PIP4K2A: variants seen among roughly 807,000 people sequenced by gnomAD.
The protein encoded by PIP4K2A is phosphatidylinositol-5-phosphate 4-kinase type 2 alpha.
Under a neutral mutation model 42.9 loss-of-function variants are expected in PIP4K2A, and 14 were observed. That is an observed-to-expected ratio of 0.33 (90% confidence interval 0.22 to 0.51). PIP4K2A has a LOEUF of 0.51. PIP4K2A is among the 20% of genes least tolerant of loss of function. The pLI, the probability that PIP4K2A is intolerant of heterozygous loss-of-function variation, is 0.97. For synonymous variants in PIP4K2A, 192 were observed against 192.2 expected, an observed-to-expected ratio of 1.00 and a Z score of 0.01; for missense variants, 434 against 519.8, an observed-to-expected ratio of 0.83 and a Z score of 1.61.
chr10:22,683,062 AAAC>A (rs59679229), intron 1 of PIP4K2A, among the ~76,000 whole-genome samples: 141 of 123,516 alleles, frequency 1.1e-3, no homozygotes, highest in East Asian at 8.5e-3. Flanking sequence ...AGAAAAAGAA[AAAC>A]AACAACAACA....
Position 22,592,841 on chromosome 10 carries a change from C to T in PIP4K2A, c.340-1060G>A, listed in dbSNP as rs546968416. On this transcript the variant is annotated intron_variant, in intron 3 of 9. Transcript: ENST00000376573. ...GACTTTCACTCCTTGCCTGGCCCTGCGGGATGGCCTGTGTGGGATTCAAAG... is the reference window on the plus strand; with the variant it reads ...GACTTTCACTCCTTGCCTGGCCCTGTGGGATGGCCTGTGTGGGATTCAAAG... Among the ~76,000 whole-genome samples, 52 of 152,320 alleles carry T rather than the reference C, an allele frequency of 3.4e-4. 1 individual carries two copies. The South Asian group carries it at 4.6e-3, about 13-fold the overall frequency.
chr10:22,534,930 A>G lies in PIP4K2A; in HGVS notation c.*2271T>C, dbSNP rs1481498640. 2 of 152,226 alleles carry G rather than the reference A, an allele frequency of 1.3e-5. No individual in the cohort carries two copies. The highest frequency in any genetic ancestry group is 2.9e-5 in the Non-Finnish European group (2 of 68,044). 9.4% of individuals were successfully genotyped at this position (152,226 alleles called of 1,614,324 possible). ...CGAGTATTTAAAATGTGTTTGGAAC[A>G]GAGACACACAATTGGGACAGAGGAA... On this transcript the variant is annotated 3_prime_UTR_variant, in exon 10 of 10. Coordinates refer to ENST00000376573, the MANE Select transcript of PIP4K2A (RefSeq NM_005028.5).
At chr10:22,702,404 T>C (rs951957161) in intron 1 of PIP4K2A, among the ~76,000 whole-genome samples, 1 of 152,236 alleles carries the variant, frequency 6.6e-6, no homozygotes, top group Non-Finnish European at 1.5e-5. Flanking sequence ...GTAATAACAC[T>C]GCAGCACACT....
intron 1 of PIP4K2A, among the ~76,000 whole-genome samples, chr10:22,674,430 A>AC (rs1271483320): frequency 2.8e-5 from 4 of 145,280 alleles, no homozygotes; most frequent in African/African-American, 1.1e-4. Flanking sequence ...AAAAAAAAAA[A>AC]AAAAAAAAGA....
chr10:22,546,151 TTCAG>T, intron 7 of PIP4K2A, among the ~76,000 whole-genome samples: 1 of 152,356 alleles, frequency 6.6e-6, no homozygotes, highest in East Asian at 1.9e-4. Context: ...CTCCTGGATC[TTCAG>T]TCATTCTGAC....
At chr10:22,549,037 G>C (rs61847457) in intron 7 of PIP4K2A, among the ~76,000 whole-genome samples, 7 of 152,152 alleles carry the variant, frequency 4.6e-5, no homozygotes, top group Non-Finnish European at 8.8e-5. Flanking sequence ...AACACAGCAA[G>C]ACTGTCTCTA....
chr10:22,683,291 G>A (rs774878262), intron 1 of PIP4K2A, among the ~76,000 whole-genome samples: 9 of 152,000 alleles, frequency 5.9e-5, no homozygotes, highest in East Asian at 3.9e-4. Context: ...TGCATTTGCC[G>A]TTTTTCACTG....
At chr10:22,653,117 A>C (rs1034940821) in intron 1 of PIP4K2A, among the ~76,000 whole-genome samples, 1 of 151,938 alleles carries the variant, frequency 6.6e-6, no homozygotes, top group Non-Finnish European at 1.5e-5. Flanking sequence ...ATGAGAAAGG[A>C]CCACCCCCGG....
Position 22,550,774 on chromosome 10 carries a change from T to A in PIP4K2A, c.679-2A>T. 6.5e-7 allele frequency: 1 copy of A among 1,547,652 alleles called. No individual in the cohort carries two copies. Among genetic ancestry groups the A allele is most frequent in the Non-Finnish European group, 8.9e-7 (1 of 1,120,720 alleles). ...TTTCAGAGTTGGCAGTTCTTTGGCC[T>A]AAAACAAATGAGAAAAACAATGACA... On this transcript the variant is annotated splice_acceptor_variant, in intron 6 of 9. Transcript: ENST00000376573. LOFTEE classifies it high-confidence loss of function.
intron 5 of PIP4K2A, 129 bp from the exon 6 acceptor site, chr10:22,568,018 G>C: frequency 3.8e-6 from 3 of 795,794 alleles, no homozygotes; most frequent in Non-Finnish European, 6.6e-6. Context: ...CAGCCCATGC[G>C]GAATGGGCTT....
intron 6 of PIP4K2A, among the ~76,000 whole-genome samples, chr10:22,553,131 G>A (rs758613251): frequency 3.2e-4 from 48 of 152,146 alleles, no homozygotes; most frequent in Non-Finnish European, 3.7e-4. Flanking sequence ...CACTAGGGTC[G>A]TATTTAGATT....
chr10:22,613,177 G>T (rs916907008), intron 1 of PIP4K2A, among the ~76,000 whole-genome samples: 1 of 152,060 alleles, frequency 6.6e-6, no homozygotes, highest in Admixed American at 6.5e-5. Context: ...CAGATTGAAC[G>T]GCACAGGAGG....
chr10:22,541,720 A>G (rs1836118891), intron 8 of PIP4K2A, 84 bp downstream of exon 8: 2 of 1,437,926 alleles, frequency 1.4e-6, no homozygotes, highest in African/African-American at 2.9e-5. Flanking sequence ...CACCCTCATA[A>G]CTGGGGTAGT....
intron 1 of PIP4K2A, among the ~76,000 whole-genome samples, chr10:22,627,513 C>G (rs765302975): frequency 1.2e-4 from 17 of 145,098 alleles, no homozygotes; most frequent in Non-Finnish European, 2.2e-4. Context: ...TAATACATTG[C>G]CTTTCCCTGC....
intron 6 of PIP4K2A, among the ~76,000 whole-genome samples, chr10:22,555,876 A>G (rs1399478485): frequency 1.3e-5 from 2 of 148,754 alleles, no homozygotes; most frequent in Non-Finnish European, 1.5e-5. Context: ...ATCAGTGAAC[A>G]CTAATGAGAG....
At chr10:22,564,647 A>T (rs949512653) in intron 6 of PIP4K2A, among the ~76,000 whole-genome samples, 2 of 152,248 alleles carry the variant, frequency 1.3e-5, no homozygotes, top group Admixed American at 1.3e-4. Flanking sequence ...GGAAGTCGAC[A>T]GTCACTGTTT....
chr10:22,567,040 A>C (rs1226977721), intron 6 of PIP4K2A, among the ~76,000 whole-genome samples: 3 of 152,256 alleles, frequency 2.0e-5, no homozygotes, highest in Non-Finnish European at 2.9e-5. Flanking sequence ...TATCAGTCTA[A>C]AAGAACAACT....
intron 4 of PIP4K2A, among the ~76,000 whole-genome samples, chr10:22,579,932 A>T (rs1837223664): frequency 6.6e-6 from 1 of 151,848 alleles, no homozygotes; most frequent in Non-Finnish European, 1.5e-5. Context: ...GAAAAAAGAA[A>T]AAAGAAAAAA....
At chr10:22,678,590 G>C (rs966293792) in intron 1 of PIP4K2A, among the ~76,000 whole-genome samples, 1 of 152,186 alleles carries the variant, frequency 6.6e-6, no homozygotes, top group Admixed American at 6.5e-5. Flanking sequence ...TATGAAATGA[G>C]TTTGCTGTGA....
Sources: gnomAD v4.1 joint callset for allele counts (sites outside exome capture counted in the v4.1 genomes callset) on GRCh38, gnomAD v4.1.1 for gene constraint, MANE v1.5 for transcripts, NCBI Gene and HGNC (gene_info 2026-07-23, HGNC 2026-07-21) for gene names.